The following CCDC83 variants were observed in gnomAD, a reference collection of about 807,000 sequenced individuals.
The protein encoded by CCDC83 is coiled-coil domain containing 83, also known as coiled-coil domain-containing protein 83.
CCDC83 carries 54 observed loss-of-function variants against 50.1 expected under a neutral mutation model. That is an observed-to-expected ratio of 1.08 (90% CI 0.87 to 1.35). The LOEUF (loss-of-function observed/expected upper bound fraction) is 1.35. CCDC83 is among the 40% of genes most tolerant of loss of function. The pLI is 0.00. For missense variants in CCDC83, 518 were observed against 473.9 expected (o/e 1.09, Z -0.86); for synonymous variants, 161 against 153.3 (o/e 1.05, Z -0.37).
intron 7 of CCDC83, among the ~76,000 whole-genome samples, chr11:85,901,986 G>A (rs190657543): frequency 2.2e-3 from 331 of 152,000 alleles, no homozygotes; most frequent in African/African-American, 7.7e-3. Context: ...AGCTATGATC[G>A]CACCATTGCA....
At chr11:85,867,542 T>C (rs1169872090) in intron 2 of CCDC83, among the ~76,000 whole-genome samples, 1 of 152,182 alleles carries the variant, frequency 6.6e-6, no homozygotes, top group African/African-American at 2.4e-5. Context: ...TATTTTCTAC[T>C]TGAAATAACA....
chr11:85,892,155 A>T (rs913817456), intron 5 of CCDC83, among the ~76,000 whole-genome samples: 1 of 152,212 alleles, frequency 6.6e-6, no homozygotes, highest in Non-Finnish European at 1.5e-5. Flanking sequence ...CAGACACAGC[A>T]GGGAAGGTGG....
intron 7 of CCDC83, among the ~76,000 whole-genome samples, chr11:85,904,241 A>T (rs1195416176): frequency 6.6e-6 from 1 of 152,178 alleles, no homozygotes; most frequent in Non-Finnish European, 1.5e-5. Flanking sequence ...ATACGCCACA[A>T]CAGTTTCCTC....
chr11:85,873,746 T>C (rs1010007348), intron 3 of CCDC83, among the ~76,000 whole-genome samples: 2 of 152,338 alleles, frequency 1.3e-5, no homozygotes, highest in Admixed American at 6.5e-5. Flanking sequence ...TAAGATGATA[T>C]ACTGTTTTTA....
chr11:85,860,538 G>T (rs1040782793), intron 1 of CCDC83, among the ~76,000 whole-genome samples: 1 of 152,156 alleles, frequency 6.6e-6, no homozygotes, highest in Non-Finnish European at 1.5e-5. Flanking sequence ...CTTATACACT[G>T]CTGGTGGGAG....
chr11:85,908,556 T>C (rs2093436002), intron 7 of CCDC83, among the ~76,000 whole-genome samples: 1 of 39,098 alleles, frequency 2.6e-5, no homozygotes, highest in African/African-American at 9.9e-5. Context: ...GATGATTAGA[T>C]AGATAGATAG....
chr11:85,872,293 T>A (rs1399687814), intron 2 of CCDC83, among the ~76,000 whole-genome samples: 1 of 151,864 alleles, frequency 6.6e-6, no homozygotes, highest in East Asian at 2.0e-4. Flanking sequence ...GAGACCAGCC[T>A]GGCCAACATG....
chr11:85,872,658 T>A (rs1331496648), intron 2 of CCDC83, among the ~76,000 whole-genome samples: 1 of 152,236 alleles, frequency 6.6e-6, no homozygotes, highest in African/African-American at 2.4e-5. Flanking sequence ...TTCTGCACTT[T>A]TCTATCTCTC....
chr11:85,897,652 A>G (rs2093381462), intron 6 of CCDC83, among the ~76,000 whole-genome samples: 1 of 152,144 alleles, frequency 6.6e-6, no homozygotes, highest in African/African-American at 2.4e-5. Flanking sequence ...TCACTGATCC[A>G]CTGTTAGTGA....
chr11:85,865,028 C>A (rs913889864), intron 1 of CCDC83, 68 bp from the exon 2 acceptor site: 7 of 773,726 alleles, frequency 9.0e-6, no homozygotes, highest in Admixed American at 8.0e-5. Flanking sequence ...GGTACCTTAT[C>A]TAGAGTAAAC....
intron 6 of CCDC83, among the ~76,000 whole-genome samples, chr11:85,897,203 A>G (rs2093379778): frequency 6.6e-6 from 1 of 152,224 alleles, no homozygotes; most frequent in Non-Finnish European, 1.5e-5. Context: ...TATTCTTTCA[A>G]GCATTACACA....
intron 3 of CCDC83, among the ~76,000 whole-genome samples, chr11:85,881,896 C>T (rs1240189485): frequency 2.6e-5 from 4 of 152,060 alleles, no homozygotes; most frequent in Non-Finnish European, 4.4e-5. Context: ...TTGGGGTATG[C>T]TTAGCTTCTT....
intron 4 of CCDC83, among the ~76,000 whole-genome samples, chr11:85,883,745 G>A (rs890561648): frequency 1.3e-5 from 2 of 152,120 alleles, no homozygotes; most frequent in Non-Finnish European, 2.9e-5. Context: ...GGAAATCCAC[G>A]TATTTCTGGA....
intron 1 of CCDC83, among the ~76,000 whole-genome samples, chr11:85,863,190 T>C (rs990849527): frequency 1.3e-5 from 2 of 152,240 alleles, no homozygotes; most frequent in African/African-American, 4.8e-5. Flanking sequence ...TAGTAAAAAT[T>C]ATTACTAAAT....
intron 2 of CCDC83, among the ~76,000 whole-genome samples, chr11:85,868,282 A>C (rs2093219001): frequency 6.6e-6 from 1 of 152,194 alleles, no homozygotes; most frequent in South Asian, 2.1e-4. Flanking sequence ...ATAAGTATGG[A>C]TATAGATATA....
chr11:85,873,689 C>T (rs184981655), intron 3 of CCDC83, among the ~76,000 whole-genome samples: 101 of 152,058 alleles, frequency 6.6e-4, no homozygotes, highest in African/African-American at 2.3e-3. Context: ...ATGTAAATAC[C>T]ATTTGAAAAG....
intron 3 of CCDC83, among the ~76,000 whole-genome samples, chr11:85,879,835 T>A (rs1344576541): frequency 6.6e-6 from 1 of 152,112 alleles, no homozygotes; most frequent in Non-Finnish European, 1.5e-5. Context: ...TCCAGGCTGG[T>A]CTTGAACTGA....
intron 8 of CCDC83, among the ~76,000 whole-genome samples, chr11:85,912,318 T>C (rs545767337): frequency 6.6e-6 from 1 of 152,298 alleles, no homozygotes; most frequent in South Asian, 2.1e-4. Flanking sequence ...TTCTATTGTT[T>C]TCCAGGAAAG....
intron 3 of CCDC83, among the ~76,000 whole-genome samples, chr11:85,878,800 A>T (rs2093282720): frequency 6.6e-6 from 1 of 152,192 alleles, no homozygotes; most frequent in African/African-American, 2.4e-5. Flanking sequence ...CCATCATATA[A>T]GAGGGATCCA....
Sources: allele counts gnomAD v4.1 joint callset (sites outside exome capture counted in the v4.1 genomes callset), GRCh38; gene constraint gnomAD v4.1.1; transcripts MANE v1.5; gene names NCBI Gene and HGNC (gene_info 2026-07-23, HGNC 2026-07-21).